CLSTN2: variants seen among roughly 807,000 people sequenced by gnomAD.
The protein encoded by CLSTN2 is calsyntenin-2.
In CLSTN2, 48 loss-of-function variants were observed where a neutral mutation model predicts 101.2. The ratio of observed to expected loss-of-function variants is 0.47; its 90% confidence interval spans 0.38 to 0.60. The LOEUF (loss-of-function observed/expected upper bound fraction) is 0.60, where lower values mean the gene tolerates loss of function less well. Among genes scored for constraint, CLSTN2 ranks in the 20% least tolerant of loss-of-function variants. The probability of loss-of-function intolerance (pLI) is 0.00; values close to 1 mark genes in which losing one functional copy is unlikely to be tolerated. For missense variants in CLSTN2, 1,160 were observed against 1,238.2 expected (o/e 0.94, Z 0.95); for synonymous variants, 481 against 463.6 (o/e 1.04, Z -0.48).
At position 140,274,661 on chromosome 3, in the gene CLSTN2, T is replaced by C. The variant is rs573053882; in HGVS notation, c.232+98588T>C. ...CCCAGCATTAGTGTAAGTAGCATCTTGAGAGAGGGAAGTGTATCTCTCTAC... is the reference window on the plus strand; with the variant it reads ...CCCAGCATTAGTGTAAGTAGCATCTCGAGAGAGGGAAGTGTATCTCTCTAC... On this transcript the variant is annotated intron_variant, in intron 2 of 16. Transcript: ENST00000458420. Among the ~76,000 whole-genome samples the C allele has an allele frequency of 3.3e-5, 5 of 152,162 alleles. No homozygotes were observed. In the South Asian group the frequency reaches 1.0e-3, roughly 32 times the overall value.
At chr3:140,083,577 G>A (rs1197559188) in intron 1 of CLSTN2, among the ~76,000 whole-genome samples, 1 of 152,200 alleles carries the variant, frequency 6.6e-6, no homozygotes, top group Non-Finnish European at 1.5e-5. Context: ...TCTAGCTCAT[G>A]TTTTGCCCCA....
At chr3:140,497,432 G>A (rs923114038) in intron 8 of CLSTN2, among the ~76,000 whole-genome samples, 2 of 152,192 alleles carry the variant, frequency 1.3e-5, no homozygotes, top group Non-Finnish European at 2.9e-5. Flanking sequence ...TGTGCTATGG[G>A]GGATTGCTTC....
At chr3:140,387,584 C>G (rs1055728371) in intron 2 of CLSTN2, among the ~76,000 whole-genome samples, 2 of 152,206 alleles carry the variant, frequency 1.3e-5, no homozygotes, top group African/African-American at 4.8e-5. Flanking sequence ...TAACCTTAAA[C>G]CAGCAATTTC....
chr3:140,426,561 G>T (rs1027296451), intron 5 of CLSTN2, among the ~76,000 whole-genome samples: 4 of 152,156 alleles, frequency 2.6e-5, no homozygotes, highest in Non-Finnish European at 4.4e-5. Context: ...GGACACAAAC[G>T]TTTAGTCTAT....
At chr3:140,425,248 C>T (rs964401936) in intron 5 of CLSTN2, among the ~76,000 whole-genome samples, 4 of 152,198 alleles carry the variant, frequency 2.6e-5, no homozygotes, top group African/African-American at 7.2e-5. Context: ...TCTCAGAGCA[C>T]GGAACCCTGC....
chr3:140,278,378 T>TA (rs1309594139), intron 2 of CLSTN2, among the ~76,000 whole-genome samples: 31 of 152,136 alleles, frequency 2.0e-4, no homozygotes, highest in Non-Finnish European at 1.3e-4. Context: ...GGGTCCCCAC[T>TA]ACTCTTTACA....
chr3:140,474,966 C>G (rs535259449), intron 8 of CLSTN2, among the ~76,000 whole-genome samples: 9 of 128,798 alleles, frequency 7.0e-5, no homozygotes, highest in Non-Finnish European at 1.1e-4. Context: ...CCCCACTACA[C>G]GCAATGATAA....
chr3:140,142,101 T>C (rs1348256458), intron 1 of CLSTN2, among the ~76,000 whole-genome samples: 2 of 152,200 alleles, frequency 1.3e-5, no homozygotes, highest in Non-Finnish European at 1.5e-5. Context: ...GAGTCATATA[T>C]TCATTTGCGA....
chr3:140,161,302 T>G (rs1197761737), intron 1 of CLSTN2, among the ~76,000 whole-genome samples: 1 of 152,204 alleles, frequency 6.6e-6, no homozygotes, highest in East Asian at 1.9e-4. Context: ...TTCCTCACAA[T>G]GCTTTTAACC....
chr3:140,135,645 T>C (rs1168377128), intron 1 of CLSTN2, among the ~76,000 whole-genome samples: 2 of 152,182 alleles, frequency 1.3e-5, no homozygotes, highest in Admixed American at 1.3e-4. Flanking sequence ...AGAGAGGATC[T>C]ATAGTGGAGC....
chr3:140,148,781 C>T (rs2009819205), intron 1 of CLSTN2, among the ~76,000 whole-genome samples: 1 of 152,180 alleles, frequency 6.6e-6, no homozygotes, highest in African/African-American at 2.4e-5. Context: ...CTAAGAAAGC[C>T]TCAAGTTCTA....
chr3:140,094,514 T>C (rs1560092715), intron 1 of CLSTN2, among the ~76,000 whole-genome samples: 2 of 152,208 alleles, frequency 1.3e-5, no homozygotes, highest in South Asian at 4.1e-4. Context: ...CAATTCCATG[T>C]ATTCAAGGAA....
intron 1 of CLSTN2, among the ~76,000 whole-genome samples, chr3:140,096,932 T>G (rs546181860): frequency 7.1e-4 from 108 of 152,304 alleles, no homozygotes; most frequent in African/African-American, 2.1e-3. Flanking sequence ...CCCGCTGGGT[T>G]CTAGTTCTTG....
At chr3:140,357,006 G>C (rs2087677995) in intron 2 of CLSTN2, among the ~76,000 whole-genome samples, 1 of 152,062 alleles carries the variant, frequency 6.6e-6, no homozygotes. Context: ...AAGCAGCCCT[G>C]GGCCACAGGG....
chr3:140,404,772 TGACCTCA>T lies in CLSTN2; in HGVS notation c.637+9_637+15del. The T allele has an allele frequency of 6.2e-7, 1 of 1,613,760 alleles. No homozygotes were observed. The highest frequency in any genetic ancestry group is 8.5e-7 in the Non-Finnish European group (1 of 1,179,688). ...TTTTGCCATCGACAGAAATGGTGAG[TGACCTCA>T]GAGGACCCCTGTGGGGTCAGGAAAA... On this transcript the variant is annotated splice_region_variant and intron_variant, in intron 4 of 16. Transcript: ENST00000458420.
chr3:140,486,705 A>T (rs1226559981), intron 8 of CLSTN2, among the ~76,000 whole-genome samples: 1 of 152,210 alleles, frequency 6.6e-6, no homozygotes, highest in East Asian at 1.9e-4. Context: ...TTCATTATAT[A>T]TGGGCCACAG....
intron 2 of CLSTN2, among the ~76,000 whole-genome samples, chr3:140,269,330 C>A (rs111259927): frequency 8.5e-5 from 13 of 152,146 alleles, no homozygotes; most frequent in Admixed American, 6.5e-5. Flanking sequence ...CCAAATGAAC[C>A]GAGCTGAACA....
chr3:140,475,901 A>C (rs1399870890), intron 8 of CLSTN2, among the ~76,000 whole-genome samples: 1 of 152,250 alleles, frequency 6.6e-6, no homozygotes, highest in Non-Finnish European at 1.5e-5. Context: ...ATTGTTTTAC[A>C]GTTAAAAAGA....
intron 2 of CLSTN2, among the ~76,000 whole-genome samples, chr3:140,292,708 G>T (rs766755941): frequency 6.6e-6 from 1 of 152,100 alleles, no homozygotes; most frequent in South Asian, 2.1e-4. Context: ...CCTCTCTCAG[G>T]CTCAATTTTA....
Sources: allele counts gnomAD v4.1 joint callset (sites outside exome capture counted in the v4.1 genomes callset), GRCh38; gene constraint gnomAD v4.1.1; transcripts MANE v1.5; gene names NCBI Gene and HGNC (gene_info 2026-07-23, HGNC 2026-07-21).